ZMYND8: variants seen among roughly 807,000 people sequenced by gnomAD.
The protein encoded by ZMYND8 is MYND-type zinc finger-containing chromatin reader ZMYND8.
A neutral mutation model predicts 140.8 loss-of-function variants in ZMYND8; 37 were observed. The observed-to-expected ratio is 0.26, with a 90% CI of 0.20 to 0.35. The LOEUF is 0.35. ZMYND8 is among the 10% of genes least tolerant of loss of function. ZMYND8 has a pLI of 1.00. For synonymous variants in ZMYND8, 592 were observed against 597.1 expected (o/e 0.99, Z 0.12); for missense variants, 1,068 against 1,570.0 (o/e 0.68, Z 5.40).
chr20:47,345,224 G>A (rs190764415), intron 2 of ZMYND8, among the ~76,000 whole-genome samples: 95 of 152,178 alleles, frequency 6.2e-4, no homozygotes, highest in African/African-American at 2.2e-3. Flanking sequence ...CCTCTTTGAG[G>A]AGCCACCATC....
intron 12 of ZMYND8, among the ~76,000 whole-genome samples, chr20:47,251,492 TAGG>T (rs2074167613): frequency 2.0e-5 from 3 of 151,150 alleles, no homozygotes. Flanking sequence ...GAGGCCGAAG[TAGG>T]AGGACTGCTT....
chr20:47,215,062 T>G (rs1256044455), intron 21 of ZMYND8, among the ~76,000 whole-genome samples: 1 of 152,116 alleles, frequency 6.6e-6, no homozygotes, highest in African/African-American at 2.4e-5. Context: ...CTCTTAGGTT[T>G]CAAAACAACA....
At chr20:47,279,902 C>T (rs555729327) in intron 10 of ZMYND8, among the ~76,000 whole-genome samples, 2 of 152,022 alleles carry the variant, frequency 1.3e-5, no homozygotes, top group South Asian at 2.1e-4. Flanking sequence ...GCAGATGGAT[C>T]GGTTGAATCC....
At chr20:47,230,113 G>T (rs2038256530) in intron 16 of ZMYND8, among the ~76,000 whole-genome samples, 1 of 152,144 alleles carries the variant, frequency 6.6e-6, no homozygotes, top group African/African-American at 2.4e-5. Context: ...TAGCACTGAG[G>T]TTAAGAAACC....
chr20:47,269,862 A>G (rs2075801555), intron 11 of ZMYND8, among the ~76,000 whole-genome samples: 1 of 152,238 alleles, frequency 6.6e-6, no homozygotes, highest in Admixed American at 6.5e-5. Flanking sequence ...TGAGCAGAGC[A>G]TGGCCAGATG....
rs575617502 is a variant in ZMYND8, at chr20:47,247,248, C to T, written c.1775-731G>A. ...CTGATGAAAGAGCGGAAAATCTAGC[C>T]GCTCTGGGTCACCAGCCTGCCAGGC... On this transcript the variant is annotated intron_variant, in intron 13 of 22. Transcript: ENST00000471951. 3.3e-4 allele frequency among the ~76,000 whole-genome samples: 50 copies of T among 152,312 alleles called. 1 individual carries two copies. In the South Asian group the frequency reaches 9.7e-3, roughly 30 times the overall value.
At chr20:47,259,677 C>A (rs139111061) in intron 12 of ZMYND8, among the ~76,000 whole-genome samples, 12 of 152,282 alleles carry the variant, frequency 7.9e-5, no homozygotes, top group African/African-American at 2.9e-4. Context: ...CAGAACTCCA[C>A]ATCCTCAATG....
At chr20:47,334,879 G>GGATT (rs914069874) in intron 2 of ZMYND8, among the ~76,000 whole-genome samples, 1 of 151,840 alleles carries the variant, frequency 6.6e-6, no homozygotes, top group Non-Finnish European at 1.5e-5. Flanking sequence ...CAAAGTGCTG[G>GGATT]GATTACAGGC....
intron 16 of ZMYND8, among the ~76,000 whole-genome samples, chr20:47,232,926 CAG>C (rs1192081303): frequency 3.6e-5 from 5 of 137,804 alleles, no homozygotes; most frequent in Non-Finnish European, 6.1e-5. Flanking sequence ...TTTTTTGAGA[CAG>C]AGGAGTTTCG....
intron 12 of ZMYND8, among the ~76,000 whole-genome samples, chr20:47,252,688 A>C (rs760608278): frequency 9.2e-5 from 14 of 152,318 alleles, no homozygotes; most frequent in Middle Eastern, 3.4e-3. Context: ...TGGGAGGCTG[A>C]GGTGGGCAGT....
chr20:47,318,702 T>A (rs2148324518), intron 2 of ZMYND8: 1 of 457,106 alleles, frequency 2.2e-6, no homozygotes. Context: ...GACTTGGGCC[T>A]GCCAGAGCTG....
At chr20:47,303,821 C>A (rs1446912179) in intron 3 of ZMYND8, among the ~76,000 whole-genome samples, 1 of 152,202 alleles carries the variant, frequency 6.6e-6, no homozygotes, top group East Asian at 1.9e-4. Flanking sequence ...TCCTGGTGCT[C>A]CCCTCCCAAC....
intron 11 of ZMYND8, among the ~76,000 whole-genome samples, chr20:47,273,918 C>G (rs916330988): frequency 6.6e-6 from 1 of 152,248 alleles, no homozygotes; most frequent in South Asian, 2.1e-4. Context: ...CAATATCACT[C>G]TCTCTTCCTA....
rs184834266 is a variant in ZMYND8 at position 47,257,463 on chromosome 20, T to C, written c.1621+4825A>G. ...ACCCATATACTATATGCTCACCATA[T>C]ACACACACGCAAATACAACACACAC... On this transcript the variant is annotated intron_variant, in intron 12 of 22. Coordinates refer to ENST00000471951, the MANE Select transcript of ZMYND8 (RefSeq NM_001281775.3). Among the ~76,000 whole-genome samples, 703 of 151,994 alleles carry C rather than the reference T, an allele frequency of 4.6e-3. 5 individuals are homozygous for C. Among genetic ancestry groups the C allele is most frequent in the African/African-American group, 0.016 (677 of 41,450 alleles).
At chr20:47,268,138 A>G (rs1250784283) in intron 11 of ZMYND8, among the ~76,000 whole-genome samples, 1 of 152,094 alleles carries the variant, frequency 6.6e-6, no homozygotes. Flanking sequence ...TTCTCTTCTC[A>G]CTGCTGTAGT....
At chr20:47,242,343 G>T (rs943708522) in intron 14 of ZMYND8, among the ~76,000 whole-genome samples, 3 of 152,160 alleles carry the variant, frequency 2.0e-5, no homozygotes, top group Non-Finnish European at 4.4e-5. Context: ...CAAGAGCCTG[G>T]GGTGGGTCTG....
intron 5 of ZMYND8, 84 bp from the exon 6 acceptor site, chr20:47,291,972 A>G: frequency 1.6e-6 from 2 of 1,219,186 alleles, no homozygotes; most frequent in South Asian, 1.5e-5. Flanking sequence ...GGCTTGAAAA[A>G]TTGAGACAAC....
chr20:47,238,829 T>G lies in ZMYND8; in HGVS notation c.2594A>C (p.Gln865Pro), dbSNP rs1448197235. 1 of 1,613,024 alleles carries G rather than the reference T, an allele frequency of 6.2e-7. No homozygotes were observed. The highest frequency in any genetic ancestry group is 1.3e-5 in the African/African-American group (1 of 75,042). ...QKMQRQQQQQ[Q>P]QQNQQQQPQS... The stretch of plus-strand genomic sequence containing the variant: ...AGGCTGCTGCTGCTGGTTTTGCTGC[T>G]GCTGCTGCTGCTGCTGACGCTGCAT... Residue 865 changes from glutamine to proline, a missense_variant, in exon 15 of 23, where the codon CAG (glutamine) becomes CCG (proline). By Grantham distance (76) the Gln-to-Pro change is moderately conservative (BLOSUM62 -1). Around this residue, in one of 10 missense-constraint regions of ZMYND8, gnomAD observed 383 missense variants for 431.2 expected, o/e 0.89. Transcript: ENST00000471951.
At chr20:47,220,675 T>C (rs533157135) in intron 20 of ZMYND8, among the ~76,000 whole-genome samples, 8 of 152,388 alleles carry the variant, frequency 5.2e-5, no homozygotes, top group Non-Finnish European at 1.0e-4. Flanking sequence ...CCGCTTTTAA[T>C]TCATGCTAGC....
Sources: gnomAD v4.1 joint callset for allele counts (sites outside exome capture counted in the v4.1 genomes callset) on GRCh38, gnomAD v4.1.1 for gene constraint, gnomAD v4.1.1 regional missense constraint, MANE v1.5 for transcripts, NCBI Gene and HGNC (gene_info 2026-07-23, HGNC 2026-07-21) for gene names.